B4GALT6: variants seen among roughly 807,000 people sequenced by gnomAD.
B4GALT6 encodes UDP-Gal:beta-GlcNAc beta-1,4-galactosyltransferase 6.
A neutral mutation model predicts 46.3 loss-of-function variants in B4GALT6; 14 were observed. The ratio of observed to expected loss-of-function variants is 0.30; its 90% confidence interval spans 0.20 to 0.47. B4GALT6 has a LOEUF of 0.47. B4GALT6 is among the 20% of genes least tolerant of loss of function. The probability of loss-of-function intolerance (pLI) is 0.99; values close to 1 mark genes in which losing one functional copy is unlikely to be tolerated. For synonymous variants in B4GALT6, 168 were observed against 162.0 expected (o/e 1.04, Z -0.28); for missense variants, 386 against 480.1 (o/e 0.80, Z 1.83).
At chr18:31,700,482 A>G in the B4GALT6 span, among the ~76,000 whole-genome samples, 1 of 149,864 alleles carries the variant, frequency 6.7e-6, no homozygotes. Context: ...AGAGAGACAG[A>G]GTCTCGCTCT....
the B4GALT6 span, among the ~76,000 whole-genome samples, chr18:31,704,974 C>T: frequency 1.1e-4 from 16 of 152,116 alleles, no homozygotes; most frequent in East Asian, 1.2e-3. Flanking sequence ...AAGAATTTGA[C>T]GTAACTTGTA....
At chr18:31,690,254 C>T (rs1453705027), upstream of B4GALT6, among the ~76,000 whole-genome samples, 1 of 151,956 alleles carries the variant, frequency 6.6e-6, no homozygotes, top group African/African-American at 2.4e-5. Flanking sequence ...GCCTCAGCCT[C>T]CCGAGTAGCT....
chr18:31,659,505 G>A (rs2074185591), intron 2 of B4GALT6, among the ~76,000 whole-genome samples: 1 of 152,170 alleles, frequency 6.6e-6, no homozygotes, highest in Non-Finnish European at 1.5e-5. Flanking sequence ...AAAGGTTCCA[G>A]GCTGGGTATC....
intron 1 of B4GALT6, among the ~76,000 whole-genome samples, chr18:31,672,183 T>C (rs910184406): frequency 7.2e-5 from 11 of 152,224 alleles, no homozygotes; most frequent in Admixed American, 7.2e-4. Context: ...GCAGCATCCC[T>C]GTGATCCTGA....
At chr18:31,719,480 G>A in the B4GALT6 span, among the ~76,000 whole-genome samples, 3 of 152,196 alleles carry the variant, frequency 2.0e-5, no homozygotes, top group African/African-American at 7.2e-5. Flanking sequence ...AGGGAGCTGA[G>A]AGCCTCCAGA....
chr18:31,719,298 C>T, the B4GALT6 span: 4 of 152,352 alleles, frequency 2.6e-5, no homozygotes, highest in African/African-American at 9.6e-5. Context: ...AGCTGACATA[C>T]TCCATTCCCA....
chr18:31,675,473 T>C (rs1036015123), intron 1 of B4GALT6, among the ~76,000 whole-genome samples: 10 of 152,226 alleles, frequency 6.6e-5, no homozygotes, highest in Admixed American at 1.3e-4. Context: ...TAACCCTAGT[T>C]GATAATTCAA....
chr18:31,716,716 A>T, the B4GALT6 span, among the ~76,000 whole-genome samples: 1 of 152,186 alleles, frequency 6.6e-6, no homozygotes, highest in Admixed American at 6.6e-5. Flanking sequence ...TGCTGTTGAG[A>T]GCAATCTCTT....
At chr18:31,681,927 T>C (rs2074484383) in intron 1 of B4GALT6, among the ~76,000 whole-genome samples, 1 of 152,206 alleles carries the variant, frequency 6.6e-6, no homozygotes, top group Non-Finnish European at 1.5e-5. Flanking sequence ...TGAATTATTT[T>C]CTTGAAGTTA....
chr18:31,634,674 T>C (rs7242641), intron 5 of B4GALT6, among the ~76,000 whole-genome samples: 56,845 of 152,088 alleles, frequency 0.37, 10,796 homozygotes, highest in Middle Eastern at 0.49. Context: ...CCATCCTCTA[T>C]ATTTAACTAG....
At chr18:31,669,850 A>G (rs1177014674) in intron 1 of B4GALT6, among the ~76,000 whole-genome samples, 1 of 152,140 alleles carries the variant, frequency 6.6e-6, no homozygotes, top group African/African-American at 2.4e-5. Flanking sequence ...TAAACATCTT[A>G]TATTTGTGCT....
At chr18:31,633,118 T>C (rs2073812028) in intron 5 of B4GALT6, among the ~76,000 whole-genome samples, 2 of 152,092 alleles carry the variant, frequency 1.3e-5, no homozygotes, top group African/African-American at 2.4e-5. Context: ...TTTGGCTGGG[T>C]AAAAAATTCC....
the B4GALT6 span, among the ~76,000 whole-genome samples, chr18:31,703,237 TAAG>T: frequency 6.6e-6 from 1 of 152,082 alleles, no homozygotes; most frequent in African/African-American, 2.4e-5. Context: ...TCTTTCTTCA[TAAG>T]AATGGGCAGA....
At chr18:31,683,476 C>T (rs183059233) in intron 1 of B4GALT6, among the ~76,000 whole-genome samples, 273 of 152,276 alleles carry the variant, frequency 1.8e-3, no homozygotes, top group African/African-American at 6.2e-3. Flanking sequence ...ATGTGAAGTT[C>T]ATAATTCTCA....
intron 4 of B4GALT6, among the ~76,000 whole-genome samples, chr18:31,643,068 T>C (rs1158363382): frequency 6.6e-6 from 1 of 152,170 alleles, no homozygotes; most frequent in Non-Finnish European, 1.5e-5. Context: ...ACTGTTCCAA[T>C]ATGAGAATGG....
intron 1 of B4GALT6, among the ~76,000 whole-genome samples, chr18:31,676,808 A>T (rs1233994754): frequency 6.6e-6 from 1 of 152,212 alleles, no homozygotes; most frequent in East Asian, 1.9e-4. Context: ...GGTACGTGTT[A>T]AAAATTAATC....
chr18:31,629,937 G>A (rs1229306691), intron 6 of B4GALT6, among the ~76,000 whole-genome samples: 1 of 150,192 alleles, frequency 6.7e-6, no homozygotes, highest in Non-Finnish European at 1.5e-5. Context: ...TTCAGATACA[G>A]AGGTAATAAA....
the B4GALT6 span, chr18:31,718,785 C>T: frequency 6.6e-6 from 1 of 152,280 alleles, no homozygotes; most frequent in East Asian, 1.9e-4. Context: ...GCCCTCATAA[C>T]CAACTGCTTC....
the B4GALT6 span, among the ~76,000 whole-genome samples, chr18:31,712,287 A>ATTTTTTTTTTTT: frequency 4.8e-4 from 41 of 84,628 alleles, 2 homozygotes; most frequent in Non-Finnish European, 5.7e-4. Context: ...CTGGGACGTT[A>ATTTTTTTTTTTT]TTTTTTTTTT....
Sources: gnomAD v4.1 joint callset for allele counts (sites outside exome capture counted in the v4.1 genomes callset) on GRCh38, gnomAD v4.1.1 for gene constraint, MANE v1.5 for transcripts, NCBI Gene and HGNC (gene_info 2026-07-23, HGNC 2026-07-21) for gene names.